Variants in TRPC4 observed in about 807,000 individuals in gnomAD.
The protein encoded by TRPC4 is short transient receptor potential channel 4.
TRPC4 carries 49 observed loss-of-function variants against 99.4 expected under a neutral mutation model. That is an observed-to-expected ratio of 0.49 (90% CI 0.39 to 0.63). The LOEUF (loss-of-function observed/expected upper bound fraction) is 0.63, where lower values mean the gene tolerates loss of function less well. Ranked by LOEUF, TRPC4 falls within the 20% of genes least tolerant of loss-of-function variation. The pLI is 0.00. For synonymous variants in TRPC4, 454 were observed against 425.9 expected (o/e 1.07, Z -0.81); for missense variants, 898 against 1,152.9 (o/e 0.78, Z 3.20).
intron 3 of TRPC4, among the ~76,000 whole-genome samples, chr13:37,706,033 C>A (rs1414075784): frequency 6.6e-6 from 1 of 152,058 alleles, no homozygotes; most frequent in South Asian, 2.1e-4. Context: ...TGTTTTTGTA[C>A]CTTAAACATA....
intron 2 of TRPC4, among the ~76,000 whole-genome samples, chr13:37,772,435 T>C (rs1424950809): frequency 6.6e-6 from 1 of 151,732 alleles, no homozygotes; most frequent in Admixed American, 6.6e-5. Context: ...AAATCAAGTC[T>C]ATGTCATTGC....
chr13:37,795,446 A>T (rs537592678), intron 1 of TRPC4, among the ~76,000 whole-genome samples: 6 of 152,294 alleles, frequency 3.9e-5, no homozygotes, highest in African/African-American at 1.4e-4. Flanking sequence ...CAAGGTCTTC[A>T]GTTTAGACAT....
At chr13:37,795,902 A>G (rs1479098046) in intron 1 of TRPC4, among the ~76,000 whole-genome samples, 2 of 152,184 alleles carry the variant, frequency 1.3e-5, no homozygotes, top group African/African-American at 4.8e-5. Flanking sequence ...TGTGGCTCAG[A>G]TAAGTTTAAT....
At chr13:37,806,845 G>A (rs976361619) in intron 1 of TRPC4, among the ~76,000 whole-genome samples, 1 of 151,988 alleles carries the variant, frequency 6.6e-6, no homozygotes, top group Non-Finnish European at 1.5e-5. Flanking sequence ...ATAAGCTGTA[G>A]TGCCTCTTCA....
At chr13:37,718,140 G>T (rs1389017212) in intron 3 of TRPC4, among the ~76,000 whole-genome samples, 1 of 151,814 alleles carries the variant, frequency 6.6e-6, no homozygotes, top group East Asian at 1.9e-4. Context: ...ATAAAAGAGG[G>T]AGTCAGAAAA....
intron 3 of TRPC4, among the ~76,000 whole-genome samples, chr13:37,731,806 T>C (rs1216252519): frequency 1.3e-5 from 2 of 152,246 alleles, no homozygotes; most frequent in East Asian, 3.9e-4. Context: ...CTAAATATTA[T>C]CGAAGTAGTA....
intron 2 of TRPC4, among the ~76,000 whole-genome samples, chr13:37,766,305 C>T (rs1308224075): frequency 6.6e-6 from 1 of 151,308 alleles, no homozygotes; most frequent in Admixed American, 6.6e-5. Context: ...ATGTAGAACA[C>T]GCAGAATATG....
chr13:37,706,804 A>G (rs1211619465), intron 3 of TRPC4, among the ~76,000 whole-genome samples: 2 of 152,154 alleles, frequency 1.3e-5, no homozygotes, highest in Non-Finnish European at 2.9e-5. Flanking sequence ...AAGGAGCAGA[A>G]AGTCAGAATA....
At chr13:37,715,494 T>C (rs562509062) in intron 3 of TRPC4, among the ~76,000 whole-genome samples, 2 of 152,294 alleles carry the variant, frequency 1.3e-5, no homozygotes, top group East Asian at 3.9e-4. Context: ...TCAAATGAGA[T>C]AAAGGATGTG....
At chr13:37,829,790 A>G (rs1208246596) in intron 1 of TRPC4, among the ~76,000 whole-genome samples, 3 of 152,222 alleles carry the variant, frequency 2.0e-5, no homozygotes, top group Non-Finnish European at 4.4e-5. Context: ...TATATATAAT[A>G]GACTGTCATT....
rs1186968152 is a variant in TRPC4, at chr13:37,692,254, C to T, written c.979G>A (p.Ala327Thr). 1 of 1,614,122 alleles carries T rather than the reference C, an allele frequency of 6.2e-7. No homozygotes were observed. Among genetic ancestry groups the T allele is most frequent in the Admixed American group, 1.7e-5 (1 of 60,026 alleles). The stretch of plus-strand genomic sequence containing the variant: ...ATGAAACATGTCACCATCTTCACTG[C>T]CCAGTGTCTTCTCCTCCAGCCTGGA... ...EFPGWRRRHW[A>T]VKMVTCFIIG... Residue 327 changes from alanine to threonine, a missense_variant, in exon 4 of 11, where the codon GCA (alanine) becomes ACA (threonine). Transcript: ENST00000379705.
At chr13:37,701,999 G>A (rs1954116982) in intron 3 of TRPC4, among the ~76,000 whole-genome samples, 1 of 152,044 alleles carries the variant, frequency 6.6e-6, no homozygotes, top group East Asian at 1.9e-4. Context: ...AAACCAGAGT[G>A]TTGGCAGCGC....
chr13:37,778,559 C>T (rs1227797546), intron 2 of TRPC4, among the ~76,000 whole-genome samples: 1 of 151,922 alleles, frequency 6.6e-6, no homozygotes, highest in Admixed American at 6.6e-5. Context: ...CCTTTCCTGT[C>T]CCTCCTTTGT....
chr13:37,681,321 G>T (rs1327197211), intron 4 of TRPC4, among the ~76,000 whole-genome samples: 1 of 152,138 alleles, frequency 6.6e-6, no homozygotes, highest in Non-Finnish European at 1.5e-5. Context: ...TCTGACCTTT[G>T]AAAGGCACAA....
intron 4 of TRPC4, among the ~76,000 whole-genome samples, chr13:37,684,329 A>G (rs1174104064): frequency 1.3e-5 from 2 of 152,160 alleles, no homozygotes; most frequent in African/African-American, 4.8e-5. Flanking sequence ...TTTTGAGAAA[A>G]AAAACTAGGA....
chr13:37,821,496 A>C lies in TRPC4; in HGVS notation c.-27-38136T>G, dbSNP rs1001894749. ...TCATATAGAACCAAAGAAGAGTCCA[A>C]ATAGCCAAGGAAATCCTAAGCAAAA... On this transcript the variant is annotated intron_variant, in intron 1 of 10. Transcript: ENST00000379705. Among the ~76,000 whole-genome samples the C allele has an allele frequency of 2.0e-5, 3 of 152,084 alleles. No homozygotes were observed. In the South Asian group the frequency reaches 6.2e-4, roughly 31 times the overall value.
intron 5 of TRPC4, among the ~76,000 whole-genome samples, chr13:37,664,631 T>C (rs1180925030): frequency 6.6e-6 from 1 of 152,166 alleles, no homozygotes; most frequent in Non-Finnish European, 1.5e-5. Context: ...TGAAAATCTG[T>C]AATTAAATCT....
intron 1 of TRPC4, among the ~76,000 whole-genome samples, chr13:37,846,971 C>A: frequency 6.6e-6 from 1 of 151,814 alleles, no homozygotes. Flanking sequence ...AAGGTTATTA[C>A]ATAATAATAA....
rs574000088 is a variant in TRPC4 at position 37,862,466 on chromosome 13, T to A, written c.-28+7129A>T. ...AGTAAAAAAACTTAAGTCCTACTCT[T>A]ACGGAAAACAGTAATTAGTGGCAAA... On this transcript the variant is annotated intron_variant, in intron 1 of 10. Coordinates refer to ENST00000379705, the MANE Select transcript of TRPC4 (RefSeq NM_016179.4). Among the ~76,000 whole-genome samples, 907 of 151,722 alleles carry A rather than the reference T, an allele frequency of 6.0e-3. 6 individuals are homozygous for A. Among genetic ancestry groups the A allele is most frequent in the Non-Finnish European group, 0.01 (692 of 67,568 alleles).
Sources: gnomAD v4.1 joint callset for allele counts (sites outside exome capture counted in the v4.1 genomes callset) on GRCh38, gnomAD v4.1.1 for gene constraint, MANE v1.5 for transcripts, NCBI Gene and HGNC (gene_info 2026-07-23, HGNC 2026-07-21) for gene names.